The following GPR39 variants were observed in gnomAD, a reference collection of about 807,000 sequenced individuals.
The protein encoded by GPR39 is G protein-coupled receptor 39.
In GPR39, 23 loss-of-function variants were observed where a neutral mutation model predicts 18.4. The ratio of observed to expected loss-of-function variants is 1.25; its 90% confidence interval spans 0.90 to 1.77. The LOEUF (loss-of-function observed/expected upper bound fraction) is 1.77, where lower values mean the gene tolerates loss of function less well. GPR39 is among the 40% of genes most tolerant of loss of function. GPR39 has a pLI of 0.00. For missense variants in GPR39, 647 were observed against 602.4 expected, an observed-to-expected ratio of 1.07 and a Z score of -0.78; for synonymous variants, 280 against 257.9, an observed-to-expected ratio of 1.09 and a Z score of -0.82.
At chr2:132,598,365 AT>A (rs201356581) in intron 1 of GPR39, among the ~76,000 whole-genome samples, 1,704 of 130,850 alleles carry the variant, frequency 0.013, 15 homozygotes, top group Non-Finnish European at 0.018. Flanking sequence ...TCACCAAGGG[AT>A]TTTTTTTTTT....
At chr2:132,418,468 G>C (rs910205395) in intron 1 of GPR39, 1 of 152,968 alleles carries the variant, frequency 6.5e-6, no homozygotes, top group African/African-American at 2.4e-5. Context: ...AGACATGGGA[G>C]CTCTCAGCAC....
In GPR39 at chr2:132,457,500, C is replaced by T. The variant is rs182555154; in HGVS notation, c.856+39602C>T. 1.6e-4 allele frequency among the ~76,000 whole-genome samples: 24 copies of T among 152,300 alleles called. No individual in the cohort carries two copies. The East Asian group carries it at 2.3e-3, about 15-fold the overall frequency. On this transcript the variant is annotated intron_variant, in intron 1 of 1. Transcript: ENST00000329321. ...CTTCTGTTAACTCATCAAAGTCATT[C>T]TCTGTCCAGCTTTGTTCCATTGCTG...
At chr2:132,538,196 A>G (rs569379580) in intron 1 of GPR39, among the ~76,000 whole-genome samples, 8 of 152,124 alleles carry the variant, frequency 5.3e-5, no homozygotes, top group South Asian at 2.1e-4. Flanking sequence ...TCTACCTTTT[A>G]TCTTTGAGGC....
chr2:132,511,561 G>A (rs1354591720), intron 1 of GPR39, among the ~76,000 whole-genome samples: 3 of 152,176 alleles, frequency 2.0e-5, no homozygotes, highest in African/African-American at 7.2e-5. Flanking sequence ...ATCAAAAAAT[G>A]TAGTGCTGAG....
intron 1 of GPR39, among the ~76,000 whole-genome samples, chr2:132,582,001 A>C (rs1680631323): frequency 6.6e-6 from 1 of 151,870 alleles, no homozygotes; most frequent in Non-Finnish European, 1.5e-5. Flanking sequence ...TGGGAGACAA[A>C]GTGCTGATTG....
At chr2:132,455,499 T>C (rs1680705533) in intron 1 of GPR39, among the ~76,000 whole-genome samples, 2 of 152,244 alleles carry the variant, frequency 1.3e-5, no homozygotes. Context: ...GCTCTGATCT[T>C]AGTTATTTCT....
chr2:132,475,044 A>G (rs1164663213), intron 1 of GPR39, among the ~76,000 whole-genome samples: 3 of 152,082 alleles, frequency 2.0e-5, no homozygotes, highest in Non-Finnish European at 4.4e-5. Flanking sequence ...AAGTTTCAAT[A>G]TCTTCACCCA....
chr2:132,590,444 C>G (rs1198266149), intron 1 of GPR39, among the ~76,000 whole-genome samples: 1 of 152,024 alleles, frequency 6.6e-6, no homozygotes, highest in African/African-American at 2.4e-5. Context: ...CCTGTGTGAC[C>G]TTAGACAAGC....
At chr2:132,455,754 G>A (rs1466918466) in intron 1 of GPR39, among the ~76,000 whole-genome samples, 1 of 152,172 alleles carries the variant, frequency 6.6e-6, no homozygotes, top group East Asian at 1.9e-4. Context: ...TAGTCATTCA[G>A]GAGCAGGTTG....
At chr2:132,574,746 A>G (rs1680501385) in intron 1 of GPR39, among the ~76,000 whole-genome samples, 1 of 152,196 alleles carries the variant, frequency 6.6e-6, no homozygotes, top group East Asian at 1.9e-4. Flanking sequence ...AAATGAATAA[A>G]TGTTACAATT....
intron 1 of GPR39, among the ~76,000 whole-genome samples, chr2:132,455,906 G>A (rs1680713585): frequency 6.6e-6 from 1 of 152,164 alleles, no homozygotes; most frequent in Admixed American, 6.6e-5. Context: ...CAATTATGTT[G>A]TCAGTTTTAG....
chr2:132,455,344 T>C (rs1265422390), intron 1 of GPR39, among the ~76,000 whole-genome samples: 1 of 152,210 alleles, frequency 6.6e-6, no homozygotes, highest in Admixed American at 6.5e-5. Flanking sequence ...TTATGATTTT[T>C]TATTGTGTCT....
intron 1 of GPR39, among the ~76,000 whole-genome samples, chr2:132,516,367 G>C (rs1395985652): frequency 6.6e-6 from 1 of 152,140 alleles, no homozygotes; most frequent in Non-Finnish European, 1.5e-5. Context: ...GAGATGGAAT[G>C]GTCCACAATA....
chr2:132,570,734 A>G (rs184583632), intron 1 of GPR39, among the ~76,000 whole-genome samples: 1 of 152,170 alleles, frequency 6.6e-6, no homozygotes, highest in East Asian at 1.9e-4. Context: ...ACTTCTCTGA[A>G]TCTGCCCTCC....
chr2:132,610,777 C>CAA (rs34611787), intron 1 of GPR39, among the ~76,000 whole-genome samples: 3,277 of 88,562 alleles, frequency 0.037, 168 homozygotes, highest in African/African-American at 0.13. Flanking sequence ...ACTCTGTCTC[C>CAA]AAAAAAAAAA....
chr2:132,584,135 G>T (rs1420564084), intron 1 of GPR39, among the ~76,000 whole-genome samples: 1 of 152,056 alleles, frequency 6.6e-6, no homozygotes, highest in Non-Finnish European at 1.5e-5. Flanking sequence ...GAACGTGGTG[G>T]GACAGTACCC....
chr2:132,467,488 T>C (rs932693689), intron 1 of GPR39, among the ~76,000 whole-genome samples: 12 of 152,148 alleles, frequency 7.9e-5, no homozygotes, highest in Non-Finnish European at 1.8e-4. Context: ...GATGAGATCA[T>C]TCATACCCCA....
chr2:132,569,940 C>T (rs1489447011), intron 1 of GPR39, among the ~76,000 whole-genome samples: 5 of 152,164 alleles, frequency 3.3e-5, no homozygotes, highest in Non-Finnish European at 7.3e-5. Context: ...TCCCCAGCCA[C>T]GTGGAACTGT....
At chr2:132,526,208 A>G (rs535173464) in intron 1 of GPR39, among the ~76,000 whole-genome samples, 2 of 152,294 alleles carry the variant, frequency 1.3e-5, no homozygotes, top group South Asian at 2.1e-4. Flanking sequence ...CTTATTGGAG[A>G]TGTTTTTAGC....
Sources: allele counts gnomAD v4.1 joint callset (sites outside exome capture counted in the v4.1 genomes callset), GRCh38; gene constraint gnomAD v4.1.1; transcripts MANE v1.5; gene names NCBI Gene and HGNC (gene_info 2026-07-23, HGNC 2026-07-21).